Variants in SKI observed in about 807,000 individuals in gnomAD.
SKI encodes ski oncogene.
In SKI, 23 loss-of-function variants were observed where a neutral mutation model predicts 59.3. The observed-to-expected ratio is 0.39, with a 90% confidence interval of 0.28 to 0.55. The LOEUF is 0.55. Among genes scored for constraint, SKI ranks in the 20% least tolerant of loss-of-function variants. The pLI is 0.67. For synonymous variants in SKI, 673 were observed against 488.6 expected (o/e 1.38, Z -4.98); for missense variants, 1,017 against 1,038.9 (o/e 0.98, Z 0.29).
intron 1 of SKI, among the ~76,000 whole-genome samples, chr1:2,233,137 A>G (rs1269542529): frequency 1.3e-5 from 2 of 150,098 alleles, no homozygotes; most frequent in Admixed American, 6.6e-5. Context: ...GGCTGATAAC[A>G]GGGTGGTGCC....
chr1:2,304,674 C>T, intron 5 of SKI, 89 bp downstream of exon 5: 2 of 1,462,358 alleles, frequency 1.4e-6, no homozygotes, highest in Non-Finnish European at 1.8e-6. Flanking sequence ...GGTGCCTCCT[C>T]CCTTCCTGGC....
intron 1 of SKI, among the ~76,000 whole-genome samples, chr1:2,263,404 A>AT (rs1639429521): frequency 6.7e-6 from 1 of 149,456 alleles, no homozygotes; most frequent in Non-Finnish European, 1.5e-5. Flanking sequence ...TGCCTGGCTA[A>AT]TTTTTGTATT....
At chr1:2,282,177 C>T (rs1380368226) in intron 1 of SKI, among the ~76,000 whole-genome samples, 6 of 21,310 alleles carry the variant, frequency 2.8e-4, no homozygotes, top group Non-Finnish European at 2.4e-4. Context: ...AGAAGACAGG[C>T]GGTGGCGGAG....
intron 1 of SKI, among the ~76,000 whole-genome samples, chr1:2,273,999 A>C (rs1235467281): frequency 6.6e-6 from 1 of 151,702 alleles, no homozygotes; most frequent in Non-Finnish European, 1.5e-5. Context: ...GTCGCCCCAG[A>C]GGCATGCTGA....
In SKI at chr1:2,229,480, C is replaced by T. The variant is rs1569660010; in HGVS notation, c.714C>T (p.Ser238=). The part of the protein sequence containing the change: ...CKGLLVPELY[S]SPSAACIQCL... ...GGCTGCTGGTGCCCGAGCTCTACAG[C>T]AGCCCGAGCGCCGCCTGCATCCAGT... Residue 238 remains serine (S), a synonymous_variant, in exon 1 of 7, where the codon AGC becomes AGT. Coordinates refer to ENST00000378536, the MANE Select transcript of SKI (RefSeq NM_003036.4). This position sits in a 1 kb window ranked among gnomAD's most constrained non-coding sequence, Gnocchi z 6.3. 1.2e-6 allele frequency: 2 copies of T among 1,611,618 alleles called. No homozygotes were observed. The highest frequency in any genetic ancestry group is 1.7e-6 in the Non-Finnish European group (2 of 1,179,828).
Position 2,303,024 on chromosome 1 carries a change from C to T in SKI, c.1016C>T (p.Thr339Ile). The change falls in exon 2 of 7, where the codon ACC becomes ATC. Residue 339 changes from threonine to isoleucine, a missense_variant. Physicochemically the swap from Thr to Ile is moderately conservative, Grantham distance 89 (BLOSUM62 -1). Coordinates refer to ENST00000378536, the MANE Select transcript of SKI (RefSeq NM_003036.4). This position sits in a 1 kb window ranked among gnomAD's most constrained non-coding sequence, Gnocchi z 5.6. The stretch of plus-strand genomic sequence containing the variant: ...TCCATAAGACCCAAAACAGATGACA[C>T]CTCTTCCCAGTCCCCCGCGCCTTCC... ...PASIRPKTDD[T>I]SSQSPAPSEK... 4 of 1,613,758 alleles carry T rather than the reference C, an allele frequency of 2.5e-6. No homozygotes were observed. The highest frequency in any genetic ancestry group is 2.2e-5 in the South Asian group (2 of 91,090).
At position 2,306,927 on chromosome 1, in the gene SKI, A is replaced by C; in HGVS notation, c.*162A>C. On this transcript the variant is annotated 3_prime_UTR_variant, in exon 7 of 7. Transcript: ENST00000378536. ...TTGTAACCATGTAGTTTTGGAACCC[A>C]CTGCAAAATTTTCTACTGGCCAAGT... 1 of 458,382 alleles carries C rather than the reference A, an allele frequency of 2.2e-6. No homozygotes were observed. Among genetic ancestry groups the C allele is most frequent in the South Asian group, 5.9e-5 (1 of 16,936 alleles). The allele number at this position is 458,382 out of a possible 1,614,324, so 28.4% of individuals were successfully genotyped here. A position where few individuals can be genotyped will look rare whatever the true frequency, so the allele number is the denominator to read the frequency against.
intron 1 of SKI, among the ~76,000 whole-genome samples, chr1:2,281,580 C>T (rs867231640): frequency 6.8e-3 from 1 of 146 alleles, no homozygotes; most frequent in Non-Finnish European, 8.1e-3. Flanking sequence ...CAGGCGGTGG[C>T]GGAGATCTTC....
intron 1 of SKI, among the ~76,000 whole-genome samples, chr1:2,287,436 A>G (rs1457827108): frequency 2.0e-5 from 3 of 149,360 alleles, no homozygotes; most frequent in Non-Finnish European, 3.0e-5. Context: ...TCCCGGGTTC[A>G]CGCCATTCTC....
At chr1:2,234,672 G>T (rs567393018) in intron 1 of SKI, among the ~76,000 whole-genome samples, 4 of 152,238 alleles carry the variant, frequency 2.6e-5, no homozygotes, top group African/African-American at 9.6e-5. Context: ...CCACGCCGGC[G>T]GCCCGGCTCT....
chr1:2,231,562 C>T (rs542594222), intron 1 of SKI, among the ~76,000 whole-genome samples: 2 of 152,340 alleles, frequency 1.3e-5, no homozygotes, highest in African/African-American at 4.8e-5. Flanking sequence ...CAGACAGGCT[C>T]TGGTCATCTC....
chr1:2,301,609 C>T (rs150025769), intron 1 of SKI, among the ~76,000 whole-genome samples: 13 of 152,326 alleles, frequency 8.5e-5, no homozygotes, highest in African/African-American at 1.9e-4. Flanking sequence ...ACAGCCTGCC[C>T]TGCGCCCCAT....
At chr1:2,285,121 G>A (rs1408968029) in intron 1 of SKI, among the ~76,000 whole-genome samples, 1 of 152,086 alleles carries the variant, frequency 6.6e-6, no homozygotes, top group Non-Finnish European at 1.5e-5. Context: ...AGTTGGTGTG[G>A]CCGTGTGGAC....
rs574860640 is a variant in SKI at position 2,254,268 on chromosome 1, C to T, written c.969+24533C>T. 2.1e-4 allele frequency among the ~76,000 whole-genome samples: 32 copies of T among 152,322 alleles called. No homozygotes were observed. The South Asian group carries it at 6.2e-3, about 30-fold the overall frequency. ...GCTGGTGCGCCTGCAAGAGTGCTGG[C>T]CCAACTGGTCTCCATGCGTGGTGCC... On this transcript the variant is annotated intron_variant, in intron 1 of 6. Coordinates refer to ENST00000378536, the MANE Select transcript of SKI (RefSeq NM_003036.4).
In SKI at chr1:2,269,399, C is replaced by T. The variant is rs889237272; in HGVS notation, c.970-33579C>T. 2.0e-5 allele frequency among the ~76,000 whole-genome samples: 3 copies of T among 152,238 alleles called. No homozygotes were observed. The highest frequency in any genetic ancestry group is 1.5e-5 in the Non-Finnish European group (1 of 68,048). ...TGACGGAAGTGGCCACACTGCAGGC[C>T]CCCACAGCGTCACTAGTAGGCCAAG... On this transcript the variant is annotated intron_variant, in intron 1 of 6. Coordinates refer to ENST00000378536, the MANE Select transcript of SKI (RefSeq NM_003036.4). The surrounding 1 kb of genome is among the most constrained non-coding windows in gnomAD (Gnocchi z 4.7).
Position 2,306,719 on chromosome 1 carries a change from G to T in SKI, c.2141G>T (p.Arg714Leu), listed in dbSNP as rs754486257. 2.6e-6 allele frequency: 4 copies of T among 1,534,942 alleles called. No individual in the cohort carries two copies. Among genetic ancestry groups the T allele is most frequent in the Non-Finnish European group, 3.5e-6 (4 of 1,142,150 alleles). Residue 714 changes from arginine (R) to leucine (L), a missense_variant, in exon 7 of 7, where the codon CGC (arginine) becomes CTC (leucine). By Grantham distance (102) the Arg-to-Leu change is moderately radical. Transcript: ENST00000378536. ...CAGGAACAGCTGTGGCCGCGGGCCC[G>T]CCCCGAGGCTGCGGGCAGCGAGGGC... ...ELQEQLWPRA[R>L]PEAAGSEGAA... is the part of the protein sequence containing the mutation.
At position 2,308,708 on chromosome 1, in the gene SKI, T is replaced by TACAGGACAGCCACACAGAAGCA. The variant is rs1640662487; in HGVS notation, c.*1943_*1944insACAGGACAGCCACACAGAAGCA. The stretch of plus-strand genomic sequence containing the variant: ...TGTGTGGCTGTCCTGTGTCGCCAGG[T>TACAGGACAGCCACACAGAAGCA]CGAAGATCACAGTGAGGTAGAGGCC... On this transcript the variant is annotated 3_prime_UTR_variant, in exon 7 of 7. Coordinates refer to ENST00000378536, the MANE Select transcript of SKI (RefSeq NM_003036.4). 1 of 152,020 alleles carries TACAGGACAGCCACACAGAAGCA rather than the reference T, an allele frequency of 6.6e-6. No homozygotes were observed. Among genetic ancestry groups the TACAGGACAGCCACACAGAAGCA allele is most frequent in the Non-Finnish European group, 1.5e-5 (1 of 68,012 alleles). The allele number at this position is 152,020 out of a possible 1,614,324, so 9.4% of individuals were successfully genotyped here.
chr1:2,251,907 G>GAACCGGCTTATCTGGCCTC (rs1557821061), intron 1 of SKI, among the ~76,000 whole-genome samples: 1 of 152,216 alleles, frequency 6.6e-6, no homozygotes, highest in East Asian at 1.9e-4. Flanking sequence ...CAGCGTGGCT[G>GAACCGGCTTATCTGGCCTC]AACCGGCTTA....
intron 6 of SKI, 122 bp downstream of exon 6, chr1:2,306,372 C>G: frequency 9.5e-7 from 1 of 1,057,234 alleles, no homozygotes; most frequent in South Asian, 1.6e-5. Context: ...GGACCACGTT[C>G]CGTGCGTGCC....
Sources: gnomAD v4.1 joint callset for allele counts (sites outside exome capture counted in the v4.1 genomes callset) on GRCh38, gnomAD v4.1.1 for gene constraint, Gnocchi (gnomAD v3.1) non-coding constraint, MANE v1.5 for transcripts, NCBI Gene and HGNC (gene_info 2026-07-23, HGNC 2026-07-21) for gene names.